The following ARB2A variants were observed in gnomAD, a reference collection of about 807,000 sequenced individuals.
ARB2A encodes the protein ARB2 cotranscriptional regulator A, also known as cotranscriptional regulator ARB2A.
the ARB2A span, among the ~76,000 whole-genome samples, chr5:93,992,386 A>G: frequency 4.6e-5 from 7 of 152,206 alleles, no homozygotes; most frequent in Admixed American, 2.6e-4. Context: ...CTATGAAGAT[A>G]AACTGTGGTA....
At chr5:94,074,780 T>C in the ARB2A span, 11 of 1,553,580 alleles carry the variant, frequency 7.1e-6, no homozygotes, top group Non-Finnish European at 9.7e-6. Flanking sequence ...CTAGAATGAA[T>C]GAAAGCAATA....
the ARB2A span, among the ~76,000 whole-genome samples, chr5:93,622,809 A>G: frequency 1.3e-5 from 2 of 152,214 alleles, no homozygotes; most frequent in Non-Finnish European, 2.9e-5. Context: ...TAAATCCTAA[A>G]GTGCTAGGTG....
At chr5:94,015,194 C>T in the ARB2A span, among the ~76,000 whole-genome samples, 1 of 152,058 alleles carries the variant, frequency 6.6e-6, no homozygotes, top group African/African-American at 2.4e-5. Context: ...AGTCTGGCAA[C>T]AGACTTCTCA....
At chr5:93,901,086 C>G in the ARB2A span, among the ~76,000 whole-genome samples, 1 of 152,156 alleles carries the variant, frequency 6.6e-6, no homozygotes, top group East Asian at 1.9e-4. Context: ...TATAAGAGAA[C>G]TGGGCTGTGC....
chr5:93,650,444 CAATGGGAATCATATA>C, the ARB2A span, among the ~76,000 whole-genome samples: 13 of 151,900 alleles, frequency 8.6e-5, no homozygotes, highest in African/African-American at 2.9e-4. Context: ...GAAAAATGAT[CAATGGGAATCATATA>C]AACTAAAGAA....
At chr5:93,910,338 C>T in the ARB2A span, among the ~76,000 whole-genome samples, 1 of 150,742 alleles carries the variant, frequency 6.6e-6, no homozygotes, top group Non-Finnish European at 1.5e-5. Flanking sequence ...AATATAAAGA[C>T]CAAAATGCTG....
chr5:94,062,340 A>T, the ARB2A span, among the ~76,000 whole-genome samples: 7 of 152,310 alleles, frequency 4.6e-5, no homozygotes, highest in East Asian at 1.3e-3. Context: ...AGAAGAGCCA[A>T]AATGCAAGTA....
the ARB2A span, among the ~76,000 whole-genome samples, chr5:93,766,308 C>A: frequency 4.6e-5 from 7 of 152,210 alleles, no homozygotes; most frequent in African/African-American, 1.7e-4. Context: ...GGGTTAATAT[C>A]CAGAATCTAC....
At chr5:93,824,407 G>T in the ARB2A span, 3 of 461,260 alleles carry the variant, frequency 6.5e-6, no homozygotes, top group Admixed American at 8.5e-5. Context: ...TAATATAAAA[G>T]AACTACATTG....
At chr5:93,893,800 A>G in the ARB2A span, among the ~76,000 whole-genome samples, 2 of 152,200 alleles carry the variant, frequency 1.3e-5, no homozygotes, top group East Asian at 1.9e-4. Flanking sequence ...TTTACACAAG[A>G]AGGAGAAAAT....
chr5:93,943,385 A>G, the ARB2A span, among the ~76,000 whole-genome samples: 2 of 152,104 alleles, frequency 1.3e-5, no homozygotes, highest in African/African-American at 4.8e-5. Context: ...TCTGTAAGTC[A>G]TTTGAACAAA....
chr5:94,061,187 A>G, the ARB2A span, among the ~76,000 whole-genome samples: 2,174 of 152,160 alleles, frequency 0.014, 56 homozygotes, highest in African/African-American at 0.049. Context: ...GCAATGAGCC[A>G]AGACTGCGCC....
the ARB2A span, among the ~76,000 whole-genome samples, chr5:93,859,544 A>G: frequency 6.6e-6 from 1 of 152,324 alleles, no homozygotes; most frequent in South Asian, 2.1e-4. Flanking sequence ...ATGTTTTAAA[A>G]TATTTTTAAA....
the ARB2A span, among the ~76,000 whole-genome samples, chr5:93,917,730 T>G: frequency 6.6e-6 from 1 of 151,938 alleles, no homozygotes; most frequent in African/African-American, 2.4e-5. Flanking sequence ...ATTAAAAAAA[T>G]TAGCCACACA....
chr5:93,959,502 G>A, the ARB2A span, among the ~76,000 whole-genome samples: 1 of 152,136 alleles, frequency 6.6e-6, no homozygotes, highest in East Asian at 1.9e-4. Flanking sequence ...ATTGGAGATA[G>A]ACGTATTGGA....
chr5:93,870,032 A>G, the ARB2A span, among the ~76,000 whole-genome samples: 1 of 152,276 alleles, frequency 6.6e-6, no homozygotes, highest in Non-Finnish European at 1.5e-5. Context: ...GGGCTCTTTC[A>G]GCAAGAAGCC....
the ARB2A span, among the ~76,000 whole-genome samples, chr5:93,755,508 CAT>C: frequency 6.6e-6 from 1 of 152,202 alleles, no homozygotes; most frequent in Non-Finnish European, 1.5e-5. Context: ...AGGATGCAGA[CAT>C]AAGCGGACTG....
chr5:93,949,007 T>C, the ARB2A span, among the ~76,000 whole-genome samples: 2 of 152,050 alleles, frequency 1.3e-5, no homozygotes, highest in Non-Finnish European at 1.5e-5. Context: ...GTCCCAAAGA[T>C]ATAGATCATG....
chr5:93,851,164 T>C, the ARB2A span, among the ~76,000 whole-genome samples: 2 of 152,314 alleles, frequency 1.3e-5, no homozygotes, highest in East Asian at 3.9e-4. Flanking sequence ...TTTTCCTTTA[T>C]TAAAACGAGT....
Sources: allele counts gnomAD v4.1 joint callset (sites outside exome capture counted in the v4.1 genomes callset), GRCh38; gene constraint gnomAD v4.1.1; transcripts MANE v1.5; gene names NCBI Gene and HGNC (gene_info 2026-07-23, HGNC 2026-07-21).